Variants in LCOR observed in about 807,000 individuals in gnomAD.
LCOR encodes the protein ligand dependent nuclear receptor corepressor, also known as ligand-dependent corepressor.
A neutral mutation model predicts 64.4 loss-of-function variants in LCOR; 14 were observed. The observed-to-expected ratio is 0.22, with a 90% CI of 0.14 to 0.34. The LOEUF is 0.34. Among genes scored for constraint, LCOR ranks in the 10% least tolerant of loss-of-function variants. The pLI, the probability that LCOR is intolerant of heterozygous loss-of-function variation, is 1.00. For missense variants in LCOR, 1,686 were observed against 1,765.3 expected, an observed-to-expected ratio of 0.96 and a Z score of 0.80; for synonymous variants, 643 against 642.5, an observed-to-expected ratio of 1.00 and a Z score of -0.01.
At chr10:96,916,606 T>A (rs1172041112) in intron 4 of LCOR, among the ~76,000 whole-genome samples, 1 of 147,974 alleles carries the variant, frequency 6.8e-6, no homozygotes, top group Non-Finnish European at 1.5e-5. Context: ...TATATATATA[T>A]CTATATATAT....
chr10:96,874,597 C>T (rs1485320788), intron 2 of LCOR, among the ~76,000 whole-genome samples: 1 of 151,838 alleles, frequency 6.6e-6, no homozygotes, highest in Admixed American at 6.6e-5. Context: ...AATAATAGAC[C>T]ATGTACTCTA....
At chr10:96,973,046 T>G (rs1848011814) in intron 7 of LCOR, among the ~76,000 whole-genome samples, 1 of 152,206 alleles carries the variant, frequency 6.6e-6, no homozygotes, top group Non-Finnish European at 1.5e-5. Flanking sequence ...TTCTCCATGA[T>G]TCTGATCTCT....
intron 2 of LCOR, among the ~76,000 whole-genome samples, chr10:96,837,616 T>G (rs1021640049): frequency 6.6e-6 from 1 of 152,232 alleles, no homozygotes; most frequent in African/African-American, 2.4e-5. Flanking sequence ...GAGTATTATC[T>G]TCTAAGCAAG....
chr10:96,890,108 T>C (rs1846414457), intron 2 of LCOR, among the ~76,000 whole-genome samples: 1 of 151,532 alleles, frequency 6.6e-6, no homozygotes. Context: ...TTTTGTTTTG[T>C]TTTGTTTTGT....
intron 2 of LCOR, among the ~76,000 whole-genome samples, chr10:96,840,352 C>T (rs987448890): frequency 6.6e-6 from 1 of 152,078 alleles, no homozygotes; most frequent in Non-Finnish European, 1.5e-5. Flanking sequence ...ATTGTGCAAG[C>T]CAGTGAATTT....
chr10:96,974,439 A>G lies in LCOR; in HGVS notation c.333-6354A>G, dbSNP rs533613174. 1.2e-4 allele frequency among the ~76,000 whole-genome samples: 18 copies of G among 152,354 alleles called. No individual in the cohort carries two copies. In the South Asian group the frequency reaches 3.7e-3, roughly 32 times the overall value. On this transcript the variant is annotated intron_variant, in intron 7 of 7. Transcript: ENST00000421806. ...AGTCCTCTTGATGAGCAGAAGCAGC[A>G]TGAACTAGCATGAGCTCAAGTCATT... is the stretch of plus-strand genomic sequence containing the variant.
chr10:96,849,060 T>C (rs1354362879), intron 2 of LCOR, among the ~76,000 whole-genome samples: 3 of 80,740 alleles, frequency 3.7e-5, no homozygotes, highest in Non-Finnish European at 7.9e-5. Context: ...TGGCTAATTG[T>C]CTTTTTTTTT....
At chr10:96,877,810 A>G (rs1846195257) in intron 2 of LCOR, among the ~76,000 whole-genome samples, 1 of 151,666 alleles carries the variant, frequency 6.6e-6, no homozygotes, top group South Asian at 2.1e-4. Context: ...ACGGGGTTTC[A>G]CCGCATTAGC....
intron 2 of LCOR, among the ~76,000 whole-genome samples, chr10:96,856,055 TTTTTA>T (rs1033251819): frequency 1.3e-4 from 20 of 151,312 alleles, no homozygotes; most frequent in African/African-American, 4.4e-4. Context: ...TCTATTGCTG[TTTTTA>T]TTTTATTTTA....
At chr10:96,920,798 T>TG (rs1391795256) in intron 4 of LCOR, among the ~76,000 whole-genome samples, 2,262 of 104,266 alleles carry the variant, frequency 0.022, 141 homozygotes, top group African/African-American at 0.078. Flanking sequence ...ACACGCGCGG[T>TG]GGGGGGGTGG....
Position 96,984,471 on chromosome 10 carries a change from T to C in LCOR, c.4011T>C (p.Ala1337=). Residue 1337 remains alanine (A), a synonymous_variant, in exon 8 of 8, where the codon GCT becomes GCC. Transcript: ENST00000421806. ...IKNEKMECPD[A]LAVESKPSRK... The stretch of plus-strand genomic sequence containing the variant: ...ATGAGAAAATGGAATGCCCAGATGC[T>C]CTGGCTGTGGAAAGTAAGCCAAGTC... 6.2e-7 allele frequency: 1 copy of C among 1,614,224 alleles called. No individual in the cohort carries two copies.
chr10:96,932,441 TTTTTATTTTA>T (rs139659397), intron 4 of LCOR, among the ~76,000 whole-genome samples: 12 of 151,790 alleles, frequency 7.9e-5, no homozygotes, highest in East Asian at 3.9e-4. Context: ...CAAGGAACCT[TTTTTATTTTA>T]TTTTATTTTA....
intron 2 of LCOR, among the ~76,000 whole-genome samples, chr10:96,851,160 C>G (rs1262517306): frequency 1.3e-5 from 2 of 152,196 alleles, no homozygotes; most frequent in Non-Finnish European, 2.9e-5. Flanking sequence ...TGTACTACTG[C>G]TCATGCTTAC....
chr10:96,899,462 T>C (rs1322708546), intron 2 of LCOR, among the ~76,000 whole-genome samples: 1 of 152,128 alleles, frequency 6.6e-6, no homozygotes, highest in Non-Finnish European at 1.5e-5. Flanking sequence ...GAAAAGGTAA[T>C]GCATAGTTAT....
chr10:96,944,275 T>C, intron 5 of LCOR, 30 bp downstream of exon 5: 1 of 977,630 alleles, frequency 1.0e-6, no homozygotes, highest in Non-Finnish European at 1.2e-6. Flanking sequence ...ATATTTAGCA[T>C]CTGCTTGTCT....
intron 7 of LCOR, among the ~76,000 whole-genome samples, chr10:96,967,460 A>G (rs1847961648): frequency 2.0e-5 from 3 of 152,170 alleles, no homozygotes; most frequent in Admixed American, 2.0e-4. Flanking sequence ...TTATCTTTCA[A>G]CTTGGTGCAC....
At chr10:96,873,279 G>A (rs2134408430) in intron 2 of LCOR, among the ~76,000 whole-genome samples, 1 of 152,220 alleles carries the variant, frequency 6.6e-6, no homozygotes, top group Non-Finnish European at 1.5e-5. Flanking sequence ...AGTTTGTGGG[G>A]AAAAACATTA....
At chr10:96,978,619 A>T (rs1445004451) in intron 7 of LCOR, among the ~76,000 whole-genome samples, 1 of 152,194 alleles carries the variant, frequency 6.6e-6, no homozygotes, top group Non-Finnish European at 1.5e-5. Context: ...CCATGGTCTA[A>T]TATAGGCCCT....
chr10:96,896,423 T>C (rs895266671), intron 2 of LCOR, among the ~76,000 whole-genome samples: 1 of 152,076 alleles, frequency 6.6e-6, no homozygotes, highest in African/African-American at 2.4e-5. Flanking sequence ...TTATTATTAT[T>C]ATTACCATTT....
Sources: allele counts gnomAD v4.1 joint callset (sites outside exome capture counted in the v4.1 genomes callset), GRCh38; gene constraint gnomAD v4.1.1; transcripts MANE v1.5; gene names NCBI Gene and HGNC (gene_info 2026-07-23, HGNC 2026-07-21).